Variants in RBMS3 observed in about 807,000 individuals in gnomAD.
RBMS3 encodes the protein RNA-binding motif, single-stranded-interacting protein 3.
Under a neutral mutation model 66.8 loss-of-function variants are expected in RBMS3, and 27 were observed. The ratio of observed to expected loss-of-function variants is 0.40; its 90% CI spans 0.30 to 0.56. The LOEUF is 0.56. RBMS3 is among the 20% of genes least tolerant of loss of function. The pLI, the probability that RBMS3 is intolerant of heterozygous loss-of-function variation, is 0.40. For missense variants in RBMS3, 513 were observed against 549.5 expected (o/e 0.93, Z 0.66); for synonymous variants, 188 against 183.0 (o/e 1.03, Z -0.22).
rs112827246 is a variant in RBMS3 at position 29,935,980 on chromosome 3, G to C, written c.940-106G>C. On this transcript the variant is annotated intron_variant, in intron 10 of 14. Coordinates refer to ENST00000383767, the MANE Select transcript of RBMS3 (RefSeq NM_001003793.3). ...TGAATTTAGCCTTTTTAGTAAAAAA[G>C]TAAAAACATTTGATGTTCACACATT... The C allele has an allele frequency of 2.2e-3, 2,074 of 946,718 alleles. 40 individuals are homozygous for C. In the African/African-American group the frequency reaches 0.032, roughly 14 times the overall value. 58.6% of individuals were successfully genotyped at this position (946,718 alleles called of 1,614,324 possible).
chr3:29,502,611 A>G (rs2044018793), intron 3 of RBMS3, among the ~76,000 whole-genome samples: 1 of 152,080 alleles, frequency 6.6e-6, no homozygotes, highest in African/African-American at 2.4e-5. Context: ...AGCTGGCACT[A>G]TGAAAGCACA....
intron 7 of RBMS3, among the ~76,000 whole-genome samples, chr3:29,872,542 C>A (rs2059517238): frequency 6.6e-6 from 1 of 152,148 alleles, no homozygotes; most frequent in Admixed American, 6.5e-5. Flanking sequence ...CTTTGAGAAC[C>A]ACTGTCCTAA....
intron 4 of RBMS3, among the ~76,000 whole-genome samples, chr3:29,735,026 G>A (rs556020164): frequency 2.6e-4 from 40 of 152,168 alleles, no homozygotes; most frequent in African/African-American, 9.4e-4. Flanking sequence ...GTGAATGTTA[G>A]CAGATTGTTG....
intron 12 of RBMS3, among the ~76,000 whole-genome samples, chr3:29,980,649 A>G (rs537146322): frequency 6.6e-6 from 1 of 152,178 alleles, no homozygotes; most frequent in Non-Finnish European, 1.5e-5. Context: ...TTTTCTGCCT[A>G]TGGCTAGCCA....
At chr3:29,792,175 T>A (rs931607979) in intron 6 of RBMS3, among the ~76,000 whole-genome samples, 1 of 152,160 alleles carries the variant, frequency 6.6e-6, no homozygotes, top group Non-Finnish European at 1.5e-5. Flanking sequence ...TATTTTCCTA[T>A]CTAAAAGTGA....
rs1175450446 is a variant in RBMS3 at position 29,295,100 on chromosome 3, G to T, written c.75+13344G>T. ...AAACTTCAAAGCTTTTCTCACTAAG[G>T]AATATCTGAAAACAATAACCCTGTT... On this transcript the variant is annotated intron_variant, in intron 1 of 14. Coordinates refer to ENST00000383767, the MANE Select transcript of RBMS3 (RefSeq NM_001003793.3). Among the ~76,000 whole-genome samples, 3 of 151,458 alleles carry T rather than the reference G, an allele frequency of 2.0e-5. No individual in the cohort carries two copies. The East Asian group carries it at 5.9e-4, about 30-fold the overall frequency.
intron 10 of RBMS3, among the ~76,000 whole-genome samples, chr3:29,918,042 G>C (rs1156552590): frequency 6.6e-6 from 1 of 152,122 alleles, no homozygotes; most frequent in Non-Finnish European, 1.5e-5. Flanking sequence ...AGGAAGTGAA[G>C]CTCAGAGAGG....
At chr3:29,604,504 A>G (rs1450055885) in intron 4 of RBMS3, among the ~76,000 whole-genome samples, 1 of 151,960 alleles carries the variant, frequency 6.6e-6, no homozygotes, top group African/African-American at 2.4e-5. Context: ...AGTTCTGCAC[A>G]TGGTGGGCTC....
At chr3:29,545,467 T>G (rs575742367) in intron 3 of RBMS3, among the ~76,000 whole-genome samples, 1 of 152,190 alleles carries the variant, frequency 6.6e-6, no homozygotes, top group Non-Finnish European at 1.5e-5. Context: ...AATAAAATCC[T>G]AAAAATCTCA....
intron 12 of RBMS3, among the ~76,000 whole-genome samples, chr3:29,953,556 T>C (rs1212360217): frequency 6.6e-6 from 1 of 151,998 alleles, no homozygotes; most frequent in South Asian, 2.1e-4. Context: ...TTAAATGTCC[T>C]TGGTGAAATA....
At chr3:29,873,865 T>A (rs2149559892) in intron 7 of RBMS3, among the ~76,000 whole-genome samples, 1 of 152,346 alleles carries the variant, frequency 6.6e-6, no homozygotes, top group Admixed American at 6.5e-5. Flanking sequence ...TTGTCTTTAG[T>A]TCTGTTTATG....
chr3:29,827,755 A>G (rs2058247157), intron 6 of RBMS3, among the ~76,000 whole-genome samples: 1 of 152,208 alleles, frequency 6.6e-6, no homozygotes, highest in African/African-American at 2.4e-5. Flanking sequence ...TTACCTAAGA[A>G]AAACAATGAA....
intron 4 of RBMS3, among the ~76,000 whole-genome samples, chr3:29,737,674 C>A (rs1230869508): frequency 6.6e-6 from 1 of 152,038 alleles, no homozygotes; most frequent in African/African-American, 2.4e-5. Flanking sequence ...TATTATGTAA[C>A]TGAAATGTCC....
intron 1 of RBMS3, among the ~76,000 whole-genome samples, chr3:29,372,999 A>G (rs1180195953): frequency 6.6e-6 from 1 of 152,196 alleles, no homozygotes; most frequent in Non-Finnish European, 1.5e-5. Context: ...AAACCTAAAT[A>G]TAAATTTTTA....
At chr3:29,983,908 G>T (rs577093936) in intron 12 of RBMS3, among the ~76,000 whole-genome samples, 1 of 152,184 alleles carries the variant, frequency 6.6e-6, no homozygotes, top group East Asian at 1.9e-4. Context: ...CTCTTCTTGA[G>T]GAGTATATTG....
chr3:29,565,465 C>G (rs995228806), intron 3 of RBMS3, among the ~76,000 whole-genome samples: 1 of 152,130 alleles, frequency 6.6e-6, no homozygotes, highest in Non-Finnish European at 1.5e-5. Flanking sequence ...CACCCTTGAT[C>G]TTGGTATTTT....
intron 2 of RBMS3, among the ~76,000 whole-genome samples, chr3:29,479,818 G>C (rs1056850596): frequency 5.5e-4 from 84 of 152,092 alleles, no homozygotes; most frequent in African/African-American, 2.0e-3. Context: ...TAAAAATCAA[G>C]GTCTTTCAAA....
At chr3:29,941,263 A>T (rs1347098125) in intron 11 of RBMS3, among the ~76,000 whole-genome samples, 1 of 151,644 alleles carries the variant, frequency 6.6e-6, no homozygotes, top group Non-Finnish European at 1.5e-5. Flanking sequence ...CCACTCCTTC[A>T]CTGCTCTGAA....
intron 4 of RBMS3, among the ~76,000 whole-genome samples, chr3:29,654,769 T>G (rs537655931): frequency 1.3e-5 from 2 of 151,454 alleles, no homozygotes; most frequent in Non-Finnish European, 3.0e-5. Flanking sequence ...TTTGCGTTTT[T>G]TTTTTTTTTG....
Sources: allele counts gnomAD v4.1 joint callset (sites outside exome capture counted in the v4.1 genomes callset), GRCh38; gene constraint gnomAD v4.1.1; transcripts MANE v1.5; gene names NCBI Gene and HGNC (gene_info 2026-07-23, HGNC 2026-07-21).